Variants in TCF3 observed in about 807,000 individuals in gnomAD.
TCF3 encodes transcription factor E2-alpha.
TCF3 carries 54 observed loss-of-function variants against 72.3 expected under a neutral mutation model. That is an observed-to-expected ratio of 0.75 (90% CI 0.60 to 0.94). The LOEUF (loss-of-function observed/expected upper bound fraction) is 0.94. TCF3 is among the 40% of genes least tolerant of loss of function. The probability of loss-of-function intolerance (pLI) is 0.00; values close to 1 mark genes in which losing one functional copy is unlikely to be tolerated. For synonymous variants in TCF3, 525 were observed against 412.6 expected, an observed-to-expected ratio of 1.27 and a Z score of -3.30; for missense variants, 1,078 against 934.4, an observed-to-expected ratio of 1.15 and a Z score of -2.00.
intron 11 of TCF3, 86 bp downstream of exon 11, chr19:1,621,752 C>T (rs966190650): frequency 1.3e-5 from 19 of 1,444,230 alleles, no homozygotes; most frequent in South Asian, 1.3e-4. Context: ...CTGCGCCTCC[C>T]GTGGAGTCCT....
intron 3 of TCF3, among the ~76,000 whole-genome samples, chr19:1,634,682 G>A (rs1317583845): frequency 1.3e-5 from 2 of 152,192 alleles, no homozygotes; most frequent in Non-Finnish European, 2.9e-5. Context: ...CTGGTGGCTC[G>A]TTGGCAAATG....
rs1599594412 is a variant in TCF3 at position 1,621,205 on chromosome 19, G to C, written c.956-14C>G. The C allele has an allele frequency of 3.9e-6, 6 of 1,534,414 alleles. No individual in the cohort carries two copies. In the East Asian group the frequency reaches 7.3e-5, roughly 19 times the overall value. On this transcript the variant is annotated splice_polypyrimidine_tract_variant and intron_variant, in intron 11 of 18. Transcript: ENST00000262965. ...TCCCTCGGGAGCCTGTGGGTGAAGA[G>C]AGGTGAGGCCCACGCAGCCCGGCCT...
intron 5 of TCF3, 114 bp downstream of exon 5, chr19:1,631,924 C>T: frequency 1.3e-6 from 2 of 1,543,838 alleles, no homozygotes; most frequent in East Asian, 2.4e-5. Context: ...GCTGTCCACA[C>T]CCTCTGGGTG....
intron 2 of TCF3, among the ~76,000 whole-genome samples, chr19:1,648,305 T>C (rs1375699620): frequency 6.6e-6 from 1 of 152,062 alleles, no homozygotes; most frequent in African/African-American, 2.4e-5. Context: ...TGCCTCTGCC[T>C]CCCCGTCCTG....
intron 3 of TCF3, among the ~76,000 whole-genome samples, chr19:1,636,446 C>A (rs1476836420): frequency 6.6e-6 from 1 of 152,164 alleles, no homozygotes; most frequent in East Asian, 1.9e-4. Flanking sequence ...CAGGCATGAG[C>A]CACAACGCCT....
chr19:1,619,694 T>A lies in TCF3; in HGVS notation c.1167+86A>T, dbSNP rs2044217208. The A allele has an allele frequency of 4.4e-6, 5 of 1,146,048 alleles. No individual in the cohort carries two copies. The South Asian group carries it at 6.6e-5, about 15-fold the overall frequency. The allele number at this position is 1,146,048 out of a possible 1,614,324, so 71.0% of individuals were successfully genotyped here. On this transcript the variant is annotated intron_variant, in intron 14 of 18. Transcript: ENST00000262965. The stretch of plus-strand genomic sequence containing the variant: ...AGCTTGGGGCTTATTTACAAGAAAC[T>A]AACAAAAAGGTTTCTCCTTCTCAAG...
intron 5 of TCF3, among the ~76,000 whole-genome samples, chr19:1,630,309 G>A (rs927372129): frequency 3.3e-5 from 5 of 152,198 alleles, no homozygotes; most frequent in East Asian, 1.9e-4. Context: ...GAAATCGCCC[G>A]TGGCACGTGG....
Position 1,615,408 on chromosome 19 carries a change from C to T in TCF3, c.1699G>A (p.Glu567Lys), listed in dbSNP as rs781162855. 5 of 1,614,004 alleles carry T rather than the reference C, an allele frequency of 3.1e-6. No homozygotes were observed. The highest frequency in any genetic ancestry group is 2.2e-5 in the East Asian group (1 of 44,868). The change falls in exon 18 of 19, where the codon GAG (glutamate) becomes AAG (lysine). Residue 567 changes from glutamate to lysine, a missense_variant. Coordinates refer to ENST00000262965, the MANE Select transcript of TCF3 (RefSeq NM_003200.5). This position sits in a 1 kb window ranked among gnomAD's most constrained non-coding sequence, Gnocchi z 7.3. Reference sequence around the variant, plus strand: ...ATGCGCCCCAGCTCCTTAAAGGCCTCGTTGATGTCACGGACCCGCAGCCGC... The same window carrying T: ...ATGCGCCCCAGCTCCTTAAAGGCCTTGTTGATGTCACGGACCCGCAGCCGC... ...RERLRVRDINEAFKELGRMCQ... is the reference protein window; with the variant it reads ...RERLRVRDINKAFKELGRMCQ...
intron 3 of TCF3, among the ~76,000 whole-genome samples, chr19:1,632,774 T>C (rs1388789251): frequency 6.6e-6 from 1 of 152,148 alleles, no homozygotes; most frequent in Non-Finnish European, 1.5e-5. Flanking sequence ...CCTGACTATG[T>C]GGACTGGGGT....
chr19:1,633,204 G>C (rs143726393), intron 3 of TCF3, among the ~76,000 whole-genome samples: 1 of 152,290 alleles, frequency 6.6e-6, no homozygotes, highest in Admixed American at 6.5e-5. Flanking sequence ...CCCTTCCATC[G>C]GGGGCCACAG....
intron 3 of TCF3, among the ~76,000 whole-genome samples, chr19:1,639,341 G>A (rs1310698422): frequency 6.6e-6 from 1 of 152,168 alleles, no homozygotes; most frequent in Non-Finnish European, 1.5e-5. Flanking sequence ...ACCACCACCA[G>A]CCAAGGAACG....
chr19:1,639,860 C>G (rs1450994241), intron 3 of TCF3, among the ~76,000 whole-genome samples: 1 of 151,350 alleles, frequency 6.6e-6, no homozygotes, highest in Non-Finnish European at 1.5e-5. Flanking sequence ...CAACACCACA[C>G]TGATGGAACA....
intron 5 of TCF3, 94 bp from the exon 6 acceptor site, chr19:1,627,520 G>A (rs1324493648): frequency 1.7e-6 from 2 of 1,147,648 alleles, no homozygotes; most frequent in East Asian, 2.4e-5. Context: ...TAGGCTCTCA[G>A]TAAGTGCACA....
intron 3 of TCF3, among the ~76,000 whole-genome samples, chr19:1,632,839 G>A (rs1466981121): frequency 6.6e-6 from 1 of 152,226 alleles, no homozygotes; most frequent in Non-Finnish European, 1.5e-5. Flanking sequence ...ATGACAGCAT[G>A]AGGGTGTGGA....
rs1052753 is a variant in TCF3 at position 1,615,453 on chromosome 19, C to T, written c.1654G>A (p.Val552Met). 1 of 1,613,108 alleles carries T rather than the reference C, an allele frequency of 6.2e-7. No individual in the cohort carries two copies. Among genetic ancestry groups the T allele is most frequent in the Non-Finnish European group, 8.5e-7 (1 of 1,179,992 alleles). The part of the protein sequence containing the change: ...QKAEREKERR[V>M]ANNARERLRV... ...AGCCGCTCCCGGGCGTTATTGGCCACCCGGCGCTCCTTCTCCCGCTCGGCC... is the reference window on the plus strand; with the variant it reads ...AGCCGCTCCCGGGCGTTATTGGCCATCCGGCGCTCCTTCTCCCGCTCGGCC... The change falls in exon 18 of 19, where the codon GTG becomes ATG. Residue 552 changes from valine (V) to methionine (M), a missense_variant. Transcript: ENST00000262965. The surrounding 1 kb of genome is among the most constrained non-coding windows in gnomAD (Gnocchi z 7.3).
In TCF3 at chr19:1,614,520, C is replaced by T. The variant is rs906984601; in HGVS notation, c.1822+765G>A. ...AGAGGCGGGCTTGGGGGGCGCGAGG[C>T]GTGCCACACACGGCTGCAGAGACTC... On this transcript the variant is annotated intron_variant, in intron 18 of 18. Transcript: ENST00000262965. The surrounding 1 kb of genome is among the most constrained non-coding windows in gnomAD (Gnocchi z 5.6). Among the ~76,000 whole-genome samples the T allele has an allele frequency of 3.3e-5, 5 of 152,050 alleles. No individual in the cohort carries two copies. The highest frequency in any genetic ancestry group is 9.7e-5 in the African/African-American group (4 of 41,412).
intron 2 of TCF3, 122 bp downstream of exon 2, chr19:1,650,055 C>T: frequency 9.9e-7 from 1 of 1,006,132 alleles, no homozygotes; most frequent in Non-Finnish European, 1.4e-6. Flanking sequence ...CCACCGGGGC[C>T]TCCCATCCAA....
Position 1,622,063 on chromosome 19 carries a change from G to A in TCF3, c.813C>T (p.His271=), listed in dbSNP as rs556290253. The A allele has an allele frequency of 3.6e-5, 58 of 1,604,642 alleles. No individual in the cohort carries two copies. Among genetic ancestry groups the A allele is most frequent in the South Asian group, 1.9e-4 (17 of 89,670 alleles). Residue 271 remains histidine (H), a synonymous_variant, in exon 10 of 19, where the codon CAC becomes CAT. Coordinates refer to ENST00000262965, the MANE Select transcript of TCF3 (RefSeq NM_003200.5). The part of the protein sequence containing the change: ...SSSTFGGLHQ[H]ERMGYQLHGA... ...CTGCCCTGGGTCCTACCATACGCTCGTGCTGGTGCAGGCCACCAAACGTGC... is the reference window on the plus strand; with the variant it reads ...CTGCCCTGGGTCCTACCATACGCTCATGCTGGTGCAGGCCACCAAACGTGC...
intron 3 of TCF3, 123 bp downstream of exon 3, chr19:1,646,232 T>G (rs756345545): frequency 9.3e-7 from 1 of 1,071,626 alleles, no homozygotes; most frequent in Non-Finnish European, 1.3e-6. Flanking sequence ...CGACCCGGCC[T>G]GTGTGGCCCT....
Sources: allele counts gnomAD v4.1 joint callset (sites outside exome capture counted in the v4.1 genomes callset), GRCh38; gene constraint gnomAD v4.1.1; non-coding constraint Gnocchi (gnomAD v3.1); transcripts MANE v1.5; gene names NCBI Gene and HGNC (gene_info 2026-07-23, HGNC 2026-07-21).